KIAA1586: variants seen among roughly 807,000 people sequenced by gnomAD.
The protein encoded by KIAA1586 is KIAA1586, also known as E3 SUMO-protein ligase KIAA1586.
A neutral mutation model predicts 6.1 loss-of-function variants in KIAA1586; 5 were observed. The observed-to-expected ratio is 0.82, with a 90% CI of 0.43 to 1.73. KIAA1586 has a LOEUF of 1.73. Among genes scored for constraint, KIAA1586 ranks in the 40% most tolerant of loss-of-function variants. The probability of loss-of-function intolerance (pLI) is 0.02; values close to 1 mark genes in which losing one functional copy is unlikely to be tolerated. For synonymous variants in KIAA1586, 280 were observed against 301.7 expected, an observed-to-expected ratio of 0.93 and a Z score of 0.75; for missense variants, 899 against 878.2, an observed-to-expected ratio of 1.02 and a Z score of -0.30.
intron 2 of KIAA1586, among the ~76,000 whole-genome samples, chr6:57,048,789 T>C (rs1828248630): frequency 6.6e-6 from 1 of 152,150 alleles, no homozygotes; most frequent in Admixed American, 6.5e-5. Flanking sequence ...CATGTGCCAT[T>C]GAGAAAGTAT....
downstream of KIAA1586, among the ~76,000 whole-genome samples, chr6:57,056,292 C>T (rs1382653984): frequency 1.3e-5 from 2 of 151,986 alleles, no homozygotes; most frequent in South Asian, 2.1e-4. Flanking sequence ...CTGCAACTTC[C>T]ACCTTCTGGG....
At chr6:57,062,063 C>G in the KIAA1586 span, among the ~76,000 whole-genome samples, 2 of 151,862 alleles carry the variant, frequency 1.3e-5, no homozygotes, top group African/African-American at 4.8e-5. Flanking sequence ...TCCTGAGTAG[C>G]TAGAACCATA....
chr6:57,050,587 A>G (rs565383964), intron 2 of KIAA1586, among the ~76,000 whole-genome samples, 187 bp from the exon 3 acceptor site: 1 of 151,454 alleles, frequency 6.6e-6, no homozygotes, highest in African/African-American at 2.4e-5. Context: ...GTGTGCTAGG[A>G]TTACAGGTGT....
At position 57,046,765 on chromosome 6, in the gene KIAA1586, C is replaced by T. The variant is rs1364149125; in HGVS notation, c.10C>T (p.Pro4Ser). ...CGCGGCCGTCGGAGACATGGGAGACCCGGGGTCGGAAGTGAGTAGTCGAGT... is the reference window on the plus strand; with the variant it reads ...CGCGGCCGTCGGAGACATGGGAGACTCGGGGTCGGAAGTGAGTAGTCGAGT... The part of the protein sequence containing the change: MGD[P>S]GSEIIESVPP... The change falls in exon 1 of 4, where the codon CCG becomes TCG. Residue 4 changes from proline (P) to serine (S), a missense_variant. Coordinates refer to ENST00000370733, the MANE Select transcript of KIAA1586 (RefSeq NM_020931.4). 2 of 1,612,418 alleles carry T rather than the reference C, an allele frequency of 1.2e-6. No homozygotes were observed. Among genetic ancestry groups the T allele is most frequent in the Non-Finnish European group, 1.7e-6 (2 of 1,179,488 alleles).
chr6:57,059,433 A>G (rs1260814647), downstream of KIAA1586, among the ~76,000 whole-genome samples: 1 of 152,076 alleles, frequency 6.6e-6, no homozygotes, highest in Non-Finnish European at 1.5e-5. Context: ...TCTACTAAAA[A>G]TACGAAAAAT....
At chr6:57,059,779 T>G (rs1213805936), downstream of KIAA1586, among the ~76,000 whole-genome samples, 5 of 152,192 alleles carry the variant, frequency 3.3e-5, no homozygotes, top group South Asian at 4.1e-4. Context: ...TTAAACTGAA[T>G]AGGTCCAAAG....
chr6:57,065,599 AC>A, the KIAA1586 span, among the ~76,000 whole-genome samples: 1 of 147,618 alleles, frequency 6.8e-6, no homozygotes, highest in East Asian at 2.0e-4. Context: ...CAATCCTCCC[AC>A]CTCTACCTCC....
the KIAA1586 span, among the ~76,000 whole-genome samples, chr6:57,061,711 C>T: frequency 7.9e-5 from 12 of 151,988 alleles, 1 homozygote; most frequent in East Asian, 2.3e-3. Flanking sequence ...TTTATGGGGC[C>T]TGTTGATTAT....
At chr6:57,063,009 T>C in the KIAA1586 span, among the ~76,000 whole-genome samples, 2 of 152,016 alleles carry the variant, frequency 1.3e-5, no homozygotes, top group African/African-American at 4.8e-5. Context: ...GAGCCGAGAT[T>C]GCGCCACTGC....
chr6:57,064,300 A>C, the KIAA1586 span, among the ~76,000 whole-genome samples: 1 of 152,252 alleles, frequency 6.6e-6, no homozygotes, highest in Non-Finnish European at 1.5e-5. Flanking sequence ...AAATAAAAAT[A>C]AACTCATGAA....
At chr6:57,048,536 A>G (rs1242208777) in intron 2 of KIAA1586, among the ~76,000 whole-genome samples, 1 of 152,128 alleles carries the variant, frequency 6.6e-6, no homozygotes, top group Admixed American at 6.5e-5. Flanking sequence ...ATACCAAGGG[A>G]GATTGTATGC....
chr6:57,063,237 A>G, the KIAA1586 span, among the ~76,000 whole-genome samples: 1 of 152,084 alleles, frequency 6.6e-6, no homozygotes, highest in Non-Finnish European at 1.5e-5. Context: ...TTAGACACTT[A>G]ATAAGTAATC....
chr6:57,053,815 A>G lies in KIAA1586; in HGVS notation c.1316A>G (p.His439Arg), dbSNP rs761378670. Residue 439 changes from histidine to arginine, a missense_variant, in exon 4 of 4, where the codon CAT (histidine) becomes CGT (arginine). Transcript: ENST00000370733. ...ATATCCGAAATAAAACAAATTAATC[A>G]TTTAAAAATATTTATTGATAAAATT... Reference protein sequence around the residue: ...DSISEIKQINHLKIFIDKIYS... With the variant: ...DSISEIKQINRLKIFIDKIYS... 2 of 1,488,266 alleles carry G rather than the reference A, an allele frequency of 1.3e-6. No individual in the cohort carries two copies. Among genetic ancestry groups the G allele is most frequent in the Non-Finnish European group, 1.8e-6 (2 of 1,105,678 alleles). The allele number at this position is 1,488,266 out of a possible 1,614,324, so 92.2% of individuals were successfully genotyped here.
rs202113597 is a variant in KIAA1586 at position 57,053,015 on chromosome 6, G to A, written c.516G>A (p.Ser172=). ...KDCSAVRHLG[S]KAEKHVHVSK... is the part of the protein sequence containing the mutation. ...GTTCAGCAGTTCGGCATTTGGGATC[G>A]AAAGCAGAAAAGCATGTCCATGTGT... Residue 172 remains serine (S), a synonymous_variant, in exon 4 of 4, where the codon TCG becomes TCA. Coordinates refer to ENST00000370733, the MANE Select transcript of KIAA1586 (RefSeq NM_020931.4). 9.9e-6 allele frequency: 16 copies of A among 1,613,826 alleles called. No individual in the cohort carries two copies. Among genetic ancestry groups the A allele is most frequent in the South Asian group, 3.3e-5 (3 of 91,072 alleles).
In KIAA1586 at chr6:57,052,846, T is replaced by G. The variant is rs61736730; in HGVS notation, c.347T>G (p.Ile116Ser). ...TTCGAGTATATTGAACAACCAATCA[T>G]TGAAGAAAAGCCATCACTTTCATCA... Reference protein sequence around the residue: ...PHFEYIEQPIIEEKPSLSSKK... With the variant: ...PHFEYIEQPISEEKPSLSSKK... The change falls in exon 4 of 4, where the codon ATT becomes AGT. Residue 116 changes from isoleucine (I) to serine (S), a missense_variant. By Grantham distance (142) the Ile-to-Ser change is moderately radical. Coordinates refer to ENST00000370733, the MANE Select transcript of KIAA1586 (RefSeq NM_020931.4). 7.9e-4 allele frequency: 1,282 copies of G among 1,613,416 alleles called. 12 individuals are homozygous for G. In the African/African-American group the frequency reaches 0.016, roughly 20 times the overall value.
At chr6:57,060,722 T>G in the KIAA1586 span, among the ~76,000 whole-genome samples, 1 of 152,182 alleles carries the variant, frequency 6.6e-6, no homozygotes, top group Non-Finnish European at 1.5e-5. Flanking sequence ...TTCAAGAGGT[T>G]TAGTCAATTG....
At chr6:57,058,153 A>G (rs1828523583), downstream of KIAA1586, among the ~76,000 whole-genome samples, 1 of 152,310 alleles carries the variant, frequency 6.6e-6, no homozygotes, top group African/African-American at 2.4e-5. Flanking sequence ...TGAGAAAAAA[A>G]AAACATTTTC....
chr6:57,059,208 A>G (rs995308326), downstream of KIAA1586, among the ~76,000 whole-genome samples: 3 of 152,170 alleles, frequency 2.0e-5, no homozygotes, highest in Non-Finnish European at 2.9e-5. Context: ...TATTGATAAT[A>G]TGTTATAAAT....
rs776638845 is a variant in KIAA1586 at position 57,050,785 on chromosome 6, G to A, written c.117G>A (p.Ser39=). 7.4e-6 allele frequency: 12 copies of A among 1,612,340 alleles called. No homozygotes were observed. Among genetic ancestry groups the A allele is most frequent in the East Asian group, 2.2e-5 (1 of 44,824 alleles). Residue 39 remains serine, a synonymous_variant, in exon 3 of 4, where the codon TCG becomes TCA. Coordinates refer to ENST00000370733, the MANE Select transcript of KIAA1586 (RefSeq NM_020931.4). ...CACTTCCTTTTTAGGAAGGACCATC[G>A]AGACCTGTTCTTGAATACATCGATC... The part of the protein sequence containing the change: ...DDIQFVSEGP[S]RPVLEYIDLV...
Sources: allele counts gnomAD v4.1 joint callset (sites outside exome capture counted in the v4.1 genomes callset), GRCh38; gene constraint gnomAD v4.1.1; transcripts MANE v1.5; gene names NCBI Gene and HGNC (gene_info 2026-07-23, HGNC 2026-07-21).